USP3: variants seen among roughly 807,000 people sequenced by gnomAD.
USP3 encodes the protein ubiquitin specific peptidase 3, also known as ubiquitin carboxyl-terminal hydrolase 3.
A neutral mutation model predicts 72.3 loss-of-function variants in USP3; 20 were observed. That is an observed-to-expected ratio of 0.28 (90% confidence interval 0.19 to 0.40). USP3 has a LOEUF of 0.40. Among genes scored for constraint, USP3 ranks in the 10% least tolerant of loss-of-function variants. The probability of loss-of-function intolerance (pLI) is 1.00; values close to 1 mark genes in which losing one functional copy is unlikely to be tolerated. For missense variants in USP3, 479 were observed against 633.9 expected (o/e 0.76, Z 2.62); for synonymous variants, 222 against 225.3 (o/e 0.99, Z 0.13).
intron 1 of USP3, among the ~76,000 whole-genome samples, chr15:63,513,414 C>CT (rs1456491953): frequency 6.6e-6 from 1 of 152,210 alleles, no homozygotes; most frequent in Non-Finnish European, 1.5e-5. Context: ...GAGTCTCACT[C>CT]TGTCACCCAG....
chr15:63,577,639 C>G (rs2066884904), intron 11 of USP3, among the ~76,000 whole-genome samples: 1 of 152,122 alleles, frequency 6.6e-6, no homozygotes, highest in Non-Finnish European at 1.5e-5. Context: ...GTAACCCCAG[C>G]TATTTGGGAG....
Position 63,570,179 on chromosome 15 carries a change from T to C in USP3, c.762-254T>C, listed in dbSNP as rs2066756601. Among the ~76,000 whole-genome samples, 1 of 152,218 alleles carries C rather than the reference T, an allele frequency of 6.6e-6. No homozygotes were observed. The highest frequency in any genetic ancestry group is 2.1e-4 in the South Asian group (1 of 4,832). Reference sequence around the variant, plus strand: ...GCCACCTCCACAATTTCCTCACCTCTGAAGTGAGGAGATCATTGCAAATCC... The same window carrying C: ...GCCACCTCCACAATTTCCTCACCTCCGAAGTGAGGAGATCATTGCAAATCC... On this transcript the variant is annotated intron_variant, in intron 8 of 14. Coordinates refer to ENST00000380324, the MANE Select transcript of USP3 (RefSeq NM_006537.4). The surrounding 1 kb of genome is among the most constrained non-coding windows in gnomAD (Gnocchi z 4.4).
chr15:63,572,812 G>A (rs1305203561), intron 9 of USP3, among the ~76,000 whole-genome samples: 2 of 152,214 alleles, frequency 1.3e-5, no homozygotes, highest in African/African-American at 2.4e-5. Flanking sequence ...TGTTCATGTA[G>A]TACTATTAAT....
chr15:63,508,716 G>A (rs1297763412), intron 1 of USP3, among the ~76,000 whole-genome samples: 1 of 152,130 alleles, frequency 6.6e-6, no homozygotes, highest in Admixed American at 6.6e-5. Context: ...AAGATGCCCT[G>A]AATGCAAGTG....
At chr15:63,522,490 A>G (rs745795244) in intron 1 of USP3, among the ~76,000 whole-genome samples, 1 of 152,220 alleles carries the variant, frequency 6.6e-6, no homozygotes, top group Admixed American at 6.5e-5. Context: ...CACAGTCTCA[A>G]AATTAGCCTC....
intron 9 of USP3, among the ~76,000 whole-genome samples, chr15:63,573,120 T>A (rs1187178166): frequency 6.6e-6 from 1 of 152,232 alleles, no homozygotes; most frequent in Admixed American, 6.5e-5. Context: ...AGTGGGGCTG[T>A]CAGGAAGAAT....
At chr15:63,539,016 AG>A (rs1417625495) in intron 3 of USP3, among the ~76,000 whole-genome samples, 1 of 152,130 alleles carries the variant, frequency 6.6e-6, no homozygotes, top group African/African-American at 2.4e-5. Context: ...GTTAGTGCTC[AG>A]TTTATTGTTA....
chr15:63,589,479 A>T (rs2067143251), intron 14 of USP3, among the ~76,000 whole-genome samples: 1 of 152,200 alleles, frequency 6.6e-6, no homozygotes, highest in African/African-American at 2.4e-5. Context: ...ACTTAAGACT[A>T]CTATATGTGG....
intron 11 of USP3, among the ~76,000 whole-genome samples, chr15:63,582,141 A>C (rs1595772405): frequency 6.6e-6 from 1 of 151,528 alleles, no homozygotes. Context: ...GTGATTTAAA[A>C]GTTGATTTTT....
At chr15:63,547,798 GAGGCATAGAGAGAGGCATA>G (rs2066362746) in intron 3 of USP3, among the ~76,000 whole-genome samples, 1 of 88,716 alleles carries the variant, frequency 1.1e-5, no homozygotes, top group Non-Finnish European at 2.5e-5. Flanking sequence ...GAGAGAGAGA[GAGGCATAGAGAGAGGCATA>G]GAGAGAGAGA....
chr15:63,532,739 A>G lies in USP3; in HGVS notation c.152+32A>G, dbSNP rs190010188. 2.8e-3 allele frequency: 4,476 copies of G among 1,608,760 alleles called. 4 individuals are homozygous for G. The highest frequency in any genetic ancestry group is 3.5e-3 in the Non-Finnish European group (4,154 of 1,177,102). On this transcript the variant is annotated intron_variant, in intron 2 of 14. Transcript: ENST00000380324. ...GACATACTTATTACTTCACTGACCT[A>G]TTTGCTTTTTAAAATTTGTCTTTAA...
At chr15:63,547,801 GCATAGAGA>G (rs2066363702) in intron 3 of USP3, among the ~76,000 whole-genome samples, 2 of 17,862 alleles carry the variant, frequency 1.1e-4, no homozygotes, top group African/African-American at 2.0e-4. Context: ...AGAGAGAGAG[GCATAGAGA>G]GAGGCATAGA....
rs568284141 is a variant in USP3, at chr15:63,529,918, G to A, written c.92-2729G>A. Reference sequence around the variant, plus strand: ...GGCTGAGGCAGGGAGGATTGCTTGAGCTAAGGGATTCAAGACCAGTCTAGG... The same window carrying A: ...GGCTGAGGCAGGGAGGATTGCTTGAACTAAGGGATTCAAGACCAGTCTAGG... On this transcript the variant is annotated intron_variant, in intron 1 of 14. Transcript: ENST00000380324. This position sits in a 1 kb window ranked among gnomAD's most constrained non-coding sequence, Gnocchi z 4.2. 6.6e-6 allele frequency among the ~76,000 whole-genome samples: 1 copy of A among 152,184 alleles called. No individual in the cohort carries two copies. Among genetic ancestry groups the A allele is most frequent in the African/African-American group, 2.4e-5 (1 of 41,440 alleles).
At chr15:63,559,372 C>T (rs2066566933) in intron 6 of USP3, among the ~76,000 whole-genome samples, 2 of 152,198 alleles carry the variant, frequency 1.3e-5, no homozygotes, top group Non-Finnish European at 2.9e-5. Context: ...AAGCAGAAGG[C>T]ATATTTGATC....
intron 1 of USP3, among the ~76,000 whole-genome samples, chr15:63,530,246 C>T (rs1372482363): frequency 6.8e-6 from 1 of 146,832 alleles, no homozygotes; most frequent in Non-Finnish European, 1.5e-5. Flanking sequence ...GAGTTACCGT[C>T]ATCCTTCCTT....
At chr15:63,572,264 A>G (rs970610103) in intron 9 of USP3, among the ~76,000 whole-genome samples, 1 of 152,242 alleles carries the variant, frequency 6.6e-6, no homozygotes, top group Non-Finnish European at 1.5e-5. Flanking sequence ...GAAGAACTAC[A>G]TTGAGTCTAA....
intron 9 of USP3, among the ~76,000 whole-genome samples, chr15:63,572,886 CT>C (rs1232140880): frequency 6.6e-6 from 1 of 152,208 alleles, no homozygotes; most frequent in Non-Finnish European, 1.5e-5. Flanking sequence ...GCAGTATGAC[CT>C]TGGACTAACT....
chr15:63,564,888 G>C (rs1454273056), intron 8 of USP3, among the ~76,000 whole-genome samples: 1 of 152,192 alleles, frequency 6.6e-6, no homozygotes, highest in Admixed American at 6.5e-5. Flanking sequence ...TTATATCATG[G>C]ATAAAGCTTT....
chr15:63,588,347 C>A lies in USP3; in HGVS notation c.1139C>A (p.Thr380Lys), dbSNP rs144197656. ...SFTDLEELDE[T>K]ELYMCHKCKK... ...ACCGACTTAGAAGAACTTGATGAGA[C>A]AGAGTTATATATGTGCCATAAATGC... Residue 380 changes from threonine to lysine, a missense_variant, in exon 12 of 15, where the codon ACA becomes AAA. By Grantham distance (78) the Thr-to-Lys change is moderately conservative. Coordinates refer to ENST00000380324, the MANE Select transcript of USP3 (RefSeq NM_006537.4). This position sits in a 1 kb window ranked among gnomAD's most constrained non-coding sequence, Gnocchi z 4.6. 6.2e-7 allele frequency: 1 copy of A among 1,600,348 alleles called. No homozygotes were observed. The highest frequency in any genetic ancestry group is 1.4e-5 in the African/African-American group (1 of 73,894).
Sources: allele counts gnomAD v4.1 joint callset (sites outside exome capture counted in the v4.1 genomes callset), GRCh38; gene constraint gnomAD v4.1.1; non-coding constraint Gnocchi (gnomAD v3.1); transcripts MANE v1.5; gene names NCBI Gene and HGNC (gene_info 2026-07-23, HGNC 2026-07-21).